CNTN5: variants seen among roughly 807,000 people sequenced by gnomAD.
CNTN5 encodes contactin 5.
In CNTN5, 77 loss-of-function variants were observed where a neutral mutation model predicts 129.1. The observed-to-expected ratio is 0.60, with a 90% CI of 0.50 to 0.72. The LOEUF (loss-of-function observed/expected upper bound fraction) is 0.72. Among genes scored for constraint, CNTN5 ranks in the 30% least tolerant of loss-of-function variants. The probability of loss-of-function intolerance (pLI) is 0.00; values close to 1 mark genes in which losing one functional copy is unlikely to be tolerated. For synonymous variants in CNTN5, 509 were observed against 465.6 expected, an observed-to-expected ratio of 1.09 and a Z score of -1.20; for missense variants, 1,478 against 1,328.8, an observed-to-expected ratio of 1.11 and a Z score of -1.75.
chr11:99,857,193 C>T (rs546435662), intron 6 of CNTN5, among the ~76,000 whole-genome samples: 10 of 152,236 alleles, frequency 6.6e-5, no homozygotes, highest in African/African-American at 2.4e-4. Flanking sequence ...TGAAGCCATT[C>T]CAAGCACACC....
intron 16 of CNTN5, among the ~76,000 whole-genome samples, chr11:100,250,220 C>T (rs1385566689): frequency 6.6e-6 from 1 of 151,992 alleles, no homozygotes; most frequent in Non-Finnish European, 1.5e-5. Flanking sequence ...AAAAAAAACC[C>T]TGTTAACCCA....
chr11:100,216,437 A>G (rs1029682416), intron 15 of CNTN5, among the ~76,000 whole-genome samples: 4 of 152,208 alleles, frequency 2.6e-5, no homozygotes, highest in South Asian at 2.1e-4. Flanking sequence ...TAAAATATCA[A>G]TTCATCTAAA....
chr11:99,537,942 T>C (rs12789685), intron 2 of CNTN5, among the ~76,000 whole-genome samples: 16,593 of 152,190 alleles, frequency 0.11, 1,157 homozygotes, highest in Non-Finnish European at 0.16. Flanking sequence ...AAATGTCAAA[T>C]ACAATTTGCC....
intron 8 of CNTN5, among the ~76,000 whole-genome samples, chr11:99,995,233 G>T (rs1939366236): frequency 6.6e-6 from 1 of 151,686 alleles, no homozygotes; most frequent in Non-Finnish European, 1.5e-5. Flanking sequence ...TGTCAGAGAT[G>T]GTACAGACTA....
At chr11:100,347,685 A>C (rs370539014) in intron 23 of CNTN5, among the ~76,000 whole-genome samples, 7 of 152,192 alleles carry the variant, frequency 4.6e-5, no homozygotes, top group African/African-American at 1.7e-4. Flanking sequence ...TCTCACTGAT[A>C]CTGTGTCTCC....
At chr11:100,092,783 G>A (rs1196860981) in intron 13 of CNTN5, among the ~76,000 whole-genome samples, 1 of 147,110 alleles carries the variant, frequency 6.8e-6, no homozygotes, top group African/African-American at 2.5e-5. Context: ...GCTGGGAGGC[G>A]GAGGTGGGGT....
intron 2 of CNTN5, among the ~76,000 whole-genome samples, chr11:99,370,244 A>G (rs750721990): frequency 6.6e-6 from 1 of 152,198 alleles, no homozygotes; most frequent in Non-Finnish European, 1.5e-5. Context: ...TTTCCTGTAC[A>G]CAATAGGTTA....
At chr11:99,611,999 T>C (rs996240147) in intron 3 of CNTN5, among the ~76,000 whole-genome samples, 1 of 152,190 alleles carries the variant, frequency 6.6e-6, no homozygotes, top group Non-Finnish European at 1.5e-5. Context: ...TACTCATGAT[T>C]GCATTTTGTA....
rs566819594 is a variant in CNTN5 at position 99,183,032 on chromosome 11, T to C, written c.-209-142314T>C. ...CTGTCACATAGAAGCCACTCAAATA[T>C]TTTGTTGAATCAATGACTGCTTAGA... On this transcript the variant is annotated intron_variant, in intron 1 of 24. Transcript: ENST00000524871. 2.6e-4 allele frequency among the ~76,000 whole-genome samples: 40 copies of C among 152,292 alleles called. 1 individual carries two copies. In the South Asian group the frequency reaches 8.3e-3, roughly 32 times the overall value.
intron 2 of CNTN5, among the ~76,000 whole-genome samples, chr11:99,326,075 TG>T (rs1408645382): frequency 6.6e-6 from 1 of 152,126 alleles, no homozygotes; most frequent in African/African-American, 2.4e-5. Flanking sequence ...TACTAAAGAG[TG>T]ATTCACTTAT....
chr11:99,975,680 T>G (rs539795658), intron 8 of CNTN5, among the ~76,000 whole-genome samples: 1 of 151,976 alleles, frequency 6.6e-6, no homozygotes, highest in Non-Finnish European at 1.5e-5. Context: ...CTTTGAAATA[T>G]CAGATCTCAT....
At chr11:99,841,982 G>T (rs1294521270) in intron 4 of CNTN5, among the ~76,000 whole-genome samples, 20 of 151,604 alleles carry the variant, frequency 1.3e-4, no homozygotes, top group African/African-American at 4.1e-4. Flanking sequence ...CACCTCCATT[G>T]TTCAAGCGAT....
chr11:99,970,301 C>T (rs1311323763), intron 8 of CNTN5, among the ~76,000 whole-genome samples: 1 of 152,142 alleles, frequency 6.6e-6, no homozygotes, highest in African/African-American at 2.4e-5. Flanking sequence ...AGAAGTGAGG[C>T]CATAAGTATA....
chr11:99,854,026 C>T (rs1421820381), intron 6 of CNTN5, among the ~76,000 whole-genome samples: 4 of 152,078 alleles, frequency 2.6e-5, no homozygotes, highest in African/African-American at 4.8e-5. Flanking sequence ...TTAATGTATG[C>T]ATGTAGAATT....
intron 13 of CNTN5, among the ~76,000 whole-genome samples, chr11:100,180,401 A>G (rs897058660): frequency 3.9e-5 from 6 of 151,990 alleles, no homozygotes; most frequent in African/African-American, 1.4e-4. Context: ...GAGTGATTTA[A>G]TATCCTGAGG....
intron 1 of CNTN5, among the ~76,000 whole-genome samples, chr11:99,162,124 G>T (rs1207180403): frequency 6.6e-6 from 1 of 151,942 alleles, no homozygotes; most frequent in Non-Finnish European, 1.5e-5. Context: ...ATGTATGTCT[G>T]CCCTGGGAGC....
In CNTN5 at chr11:99,357,555, C is replaced by T. The variant is rs1438102243; in HGVS notation, c.-71+32071C>T. Among the ~76,000 whole-genome samples, 3 of 146,002 alleles carry T rather than the reference C, an allele frequency of 2.1e-5. No homozygotes were observed. The East Asian group carries it at 6.1e-4, about 30-fold the overall frequency. On this transcript the variant is annotated intron_variant, in intron 2 of 24. Transcript: ENST00000524871. Reference sequence around the variant, plus strand: ...ACTAACACAGCATTGATAATGATAACAGAGAGAAGAATAATCCTCTATGGA... The same window carrying T: ...ACTAACACAGCATTGATAATGATAATAGAGAGAAGAATAATCCTCTATGGA...
intron 1 of CNTN5, among the ~76,000 whole-genome samples, chr11:99,169,718 CA>C (rs1186550198): frequency 2.0e-5 from 3 of 152,082 alleles, no homozygotes; most frequent in African/African-American, 7.2e-5. Flanking sequence ...GGTTTACATG[CA>C]AATGATTAAA....
intron 21 of CNTN5, chr11:100,309,656 T>C (rs550560104): frequency 4.1e-6 from 4 of 984,258 alleles, no homozygotes; most frequent in East Asian, 1.1e-4. Flanking sequence ...TGATAATATA[T>C]ATATTTGGCC....
Sources: gnomAD v4.1 joint callset for allele counts (sites outside exome capture counted in the v4.1 genomes callset) on GRCh38, gnomAD v4.1.1 for gene constraint, MANE v1.5 for transcripts, NCBI Gene and HGNC (gene_info 2026-07-23, HGNC 2026-07-21) for gene names.